The following SLC48A1 variants were observed in gnomAD, a reference collection of about 807,000 sequenced individuals.
The protein encoded by SLC48A1 is heme transporter HRG1.
Under a neutral mutation model 14.8 loss-of-function variants are expected in SLC48A1, and 6 were observed. That is an observed-to-expected ratio of 0.41 (90% CI 0.22 to 0.80). SLC48A1 has a LOEUF of 0.80. Among genes scored for constraint, SLC48A1 ranks in the 30% least tolerant of loss-of-function variants. The pLI is 0.34. For synonymous variants in SLC48A1, 89 were observed against 90.0 expected (o/e 0.99, Z 0.06); for missense variants, 165 against 204.8 (o/e 0.81, Z 1.19).
At chr12:47,764,017 G>A (rs1004426572) in intron 2 of SLC48A1, among the ~76,000 whole-genome samples, 5 of 152,202 alleles carry the variant, frequency 3.3e-5, no homozygotes, top group Admixed American at 6.5e-5. Context: ...AGGCGAAGAC[G>A]GGCAGGGCTG....
chr12:47,766,319 C>T (rs762812624), intron 2 of SLC48A1, among the ~76,000 whole-genome samples: 1 of 152,190 alleles, frequency 6.6e-6, no homozygotes, highest in Non-Finnish European at 1.5e-5. Flanking sequence ...CTCCTGCCCT[C>T]AAGCCTTATT....
At chr12:47,755,738 T>G (rs1409937671), upstream of SLC48A1, 2 of 152,288 alleles carry the variant, frequency 1.3e-5, no homozygotes, top group African/African-American at 4.8e-5. Context: ...ACTTCTTCTC[T>G]GGGAGGTTGA....
In SLC48A1 at chr12:47,780,568, CTTTTTTTTTT is replaced by C. The variant is rs60379857; in HGVS notation, c.*294_*303del. The C allele has an allele frequency of 3.8e-5, 16 of 425,080 alleles. No homozygotes were observed. Among genetic ancestry groups the C allele is most frequent in the South Asian group, 1.8e-4 (10 of 56,376 alleles). The allele number at this position is 425,080 out of a possible 1,614,324, so 26.3% of individuals were successfully genotyped here. ...GTTTTCTTTTCTTTCTTTTTTTTTTCTTTTTTTTTTTTTTTTGAGATGGAGTCTTACTCTG... is the reference window on the plus strand; with the variant it reads ...GTTTTCTTTTCTTTCTTTTTTTTTTCTTTTTTGAGATGGAGTCTTACTCTG... On this transcript the variant is annotated 3_prime_UTR_variant, in exon 3 of 3. Transcript: ENST00000442218.
intron 1 of SLC48A1, chr12:47,759,238 G>A (rs918222583): frequency 2.4e-6 from 1 of 414,736 alleles, no homozygotes; most frequent in Non-Finnish European, 3.2e-6. Context: ...AGTCACTGCG[G>A]CCTCACCCGG....
At chr12:47,771,334 A>G (rs1370245078), upstream of SLC48A1, among the ~76,000 whole-genome samples, 1 of 150,868 alleles carries the variant, frequency 6.6e-6, no homozygotes, top group East Asian at 2.0e-4. Flanking sequence ...GGGTCATTAT[A>G]TGCCAGACAT....
chr12:47,776,247 T>G (rs1348590803), intron 1 of SLC48A1, among the ~76,000 whole-genome samples: 1 of 152,214 alleles, frequency 6.6e-6, no homozygotes, highest in Non-Finnish European at 1.5e-5. Flanking sequence ...TACCCTTAGC[T>G]TATCGGCTGT....
upstream of SLC48A1, chr12:47,756,560 C>G (rs991363478): frequency 6.6e-6 from 1 of 152,200 alleles, no homozygotes; most frequent in Non-Finnish European, 1.5e-5. Context: ...AGGAGCCCCT[C>G]ATCTTGGTAG....
chr12:47,781,538 A>C lies in SLC48A1; in HGVS notation c.*1257A>C, dbSNP rs73291212. 632 of 153,302 alleles carry C rather than the reference A, an allele frequency of 4.1e-3. 5 individuals carry two copies. Among genetic ancestry groups the C allele is most frequent in the African/African-American group, 0.014 (580 of 41,566 alleles). 9.5% of individuals were successfully genotyped at this position (153,302 alleles called of 1,614,324 possible). A position where few individuals can be genotyped will look rare whatever the true frequency, so the allele number is the denominator to read the frequency against. On this transcript the variant is annotated 3_prime_UTR_variant, in exon 3 of 3. Transcript: ENST00000442218. ...ACTTGGGAGGGAAGGGGCTGTTGGT[A>C]CAAGGATGATTTTCTGTTAGACTGC...
intron 1 of SLC48A1, chr12:47,759,108 T>C: frequency 3.1e-6 from 3 of 982,348 alleles, no homozygotes; most frequent in Non-Finnish European, 3.6e-6. Flanking sequence ...CCCCGAAGTG[T>C]GTGGAGGAGG....
chr12:47,779,137 G>A lies in SLC48A1; in HGVS notation c.246G>A (p.Ser82=), dbSNP rs1264623149. Reference sequence around the variant, plus strand: ...TCTTCTTCGTGGGCGTCCTCTTCTCGGCCGTCTCCATCGCTGCCTTCTGCA... The same window carrying A: ...TCTTCTTCGTGGGCGTCCTCTTCTCAGCCGTCTCCATCGCTGCCTTCTGCA... ...RGFFFVGVLF[S]AVSIAAFCTF... is the part of the protein sequence containing the mutation. Residue 82 remains serine (S), a synonymous_variant, in exon 2 of 3, where the codon TCG becomes TCA. Transcript: ENST00000442218. 2.6e-6 allele frequency: 4 copies of A among 1,551,730 alleles called. No homozygotes were observed. The highest frequency in any genetic ancestry group is 1.7e-4 in the Middle Eastern group (1 of 6,014).
chr12:47,768,391 T>C (rs1942561179), upstream of SLC48A1: 1 of 152,552 alleles, frequency 6.6e-6, no homozygotes, highest in Non-Finnish European at 1.5e-5. Flanking sequence ...TAGGTGGTGA[T>C]GATGGTGGCT....
chr12:47,759,664 C>T (rs1942311379), intron 1 of SLC48A1, among the ~76,000 whole-genome samples: 1 of 152,232 alleles, frequency 6.6e-6, no homozygotes, highest in Admixed American at 6.5e-5. Context: ...CTCCCTGGGC[C>T]TCAGTTTCCA....
At position 47,773,253 on chromosome 12, in the gene SLC48A1, A is replaced by G; in HGVS notation, c.-52A>G. 2.4e-6 allele frequency: 3 copies of G among 1,273,232 alleles called. No homozygotes were observed. The highest frequency in any genetic ancestry group is 2.0e-6 in the Non-Finnish European group (2 of 1,006,316). 78.9% of individuals were successfully genotyped at this position (1,273,232 alleles called of 1,614,324 possible). A position where few individuals can be genotyped will look rare whatever the true frequency, so the allele number is the denominator to read the frequency against. The stretch of plus-strand genomic sequence containing the variant: ...TCCGGCTGGCGGCTTCGGGCCCTGC[A>G]CCTGTGACTCTCGGCCGCGCTCGCC... On this transcript the variant is annotated 5_prime_UTR_variant, in exon 1 of 3. Transcript: ENST00000442218.
upstream of SLC48A1, chr12:47,758,104 A>C (rs529860436): frequency 1.9e-6 from 3 of 1,548,664 alleles, no homozygotes; most frequent in East Asian, 7.3e-5. Context: ...GAAAGTGGAC[A>C]GCCATGGGAC....
In SLC48A1 at chr12:47,777,241, T is replaced by A. The variant is rs537128263; in HGVS notation, c.137-1787T>A. On this transcript the variant is annotated intron_variant, in intron 1 of 2. Transcript: ENST00000442218. The surrounding 1 kb of genome is among the most constrained non-coding windows in gnomAD (Gnocchi z 4.5). ...GGCCCACTCCAGCATCCAGACTAGGTGGGGAGGAACAGATGCTTGTCCTGG... is the reference window on the plus strand; with the variant it reads ...GGCCCACTCCAGCATCCAGACTAGGAGGGGAGGAACAGATGCTTGTCCTGG... Among the ~76,000 whole-genome samples, 85 of 152,186 alleles carry A rather than the reference T, an allele frequency of 5.6e-4. No individual in the cohort carries two copies. Among genetic ancestry groups the A allele is most frequent in the African/African-American group, 2.0e-3 (82 of 41,524 alleles).
At position 47,780,296 on chromosome 12, in the gene SLC48A1, T is replaced by G. The variant is rs374914200; in HGVS notation, c.*15T>G. 64 of 1,614,082 alleles carry G rather than the reference T, an allele frequency of 4.0e-5. No homozygotes were observed. Among genetic ancestry groups the G allele is most frequent in the Non-Finnish European group, 5.3e-5 (63 of 1,179,976 alleles). On this transcript the variant is annotated 3_prime_UTR_variant, in exon 3 of 3. Transcript: ENST00000442218. ...GCGATTTCTGACCCAGGGGGTGAGGTCTCTGCACCCTGGGGGGGCCTTAGG... is the reference window on the plus strand; with the variant it reads ...GCGATTTCTGACCCAGGGGGTGAGGGCTCTGCACCCTGGGGGGGCCTTAGG...
At chr12:47,755,894 C>T (rs1942025108), upstream of SLC48A1, 1 of 152,192 alleles carries the variant, frequency 6.6e-6, no homozygotes, top group African/African-American at 2.4e-5. Flanking sequence ...CTTCCCTGGG[C>T]TAAAGGCATC....
upstream of SLC48A1, among the ~76,000 whole-genome samples, chr12:47,756,928 C>A (rs1942097074): frequency 6.6e-6 from 1 of 151,030 alleles, no homozygotes; most frequent in Admixed American, 6.6e-5. Context: ...AAGATTGCTT[C>A]ACTGCACTCC....
Position 47,780,537 on chromosome 12 carries a change from G to C in SLC48A1, c.*256G>C. ...AGGGCAGCTTTAGACCTTTTCAAAT[G>C]AATCTGTTTTCTTTTCTTTCTTTTT... is the stretch of plus-strand genomic sequence containing the variant. On this transcript the variant is annotated 3_prime_UTR_variant, in exon 3 of 3. Transcript: ENST00000442218. 1.4e-6 allele frequency: 1 copy of C among 713,312 alleles called. No individual in the cohort carries two copies. The highest frequency in any genetic ancestry group is 2.6e-6 in the Non-Finnish European group (1 of 380,332). 44.2% of individuals were successfully genotyped at this position (713,312 alleles called of 1,614,324 possible).
Sources: gnomAD v4.1 joint callset for allele counts (sites outside exome capture counted in the v4.1 genomes callset) on GRCh38, gnomAD v4.1.1 for gene constraint, Gnocchi (gnomAD v3.1) non-coding constraint, MANE v1.5 for transcripts, NCBI Gene and HGNC (gene_info 2026-07-23, HGNC 2026-07-21) for gene names.